The following JMJD1C variants were observed in gnomAD, a reference collection of about 807,000 sequenced individuals.
JMJD1C encodes the protein jumonji domain containing 1C.
In JMJD1C, 31 loss-of-function variants were observed where a neutral mutation model predicts 245.3. The ratio of observed to expected loss-of-function variants is 0.13; its 90% CI spans 0.09 to 0.17. The LOEUF (loss-of-function observed/expected upper bound fraction) is 0.17, where lower values mean the gene tolerates loss of function less well. Among genes scored for constraint, JMJD1C ranks in the 10% least tolerant of loss-of-function variants. The pLI, the probability that JMJD1C is intolerant of heterozygous loss-of-function variation, is 1.00. For synonymous variants in JMJD1C, 1,057 were observed against 1,017.4 expected, an observed-to-expected ratio of 1.04 and a Z score of -0.74; for missense variants, 2,691 against 3,000.2, an observed-to-expected ratio of 0.90 and a Z score of 2.41.
chr10:63,281,550 G>A (rs1242347518), intron 2 of JMJD1C, among the ~76,000 whole-genome samples: 7 of 127,438 alleles, frequency 5.5e-5, no homozygotes, highest in African/African-American at 2.1e-4. Context: ...GGCTCACTGC[G>A]ACCTCTGCCT....
chr10:63,193,874 G>A (rs1266715761), intron 14 of JMJD1C, among the ~76,000 whole-genome samples: 1 of 152,132 alleles, frequency 6.6e-6, no homozygotes, highest in Admixed American at 6.5e-5. Context: ...CACTGTGTTA[G>A]CCAGGATGGT....
At chr10:63,435,049 T>C (rs1204229623) in intron 1 of JMJD1C, among the ~76,000 whole-genome samples, 3 of 152,216 alleles carry the variant, frequency 2.0e-5, no homozygotes, top group East Asian at 1.9e-4. Context: ...TACACAAAAA[T>C]GTTGTCTCTA....
intron 1 of JMJD1C, among the ~76,000 whole-genome samples, chr10:63,458,718 T>TTA (rs1554944500): frequency 1.4e-3 from 172 of 122,874 alleles, no homozygotes; most frequent in African/African-American, 4.0e-3. Flanking sequence ...TATAGCTTTT[T>TTA]TTTTATTTAT....
At chr10:63,239,714 G>A (rs1851247634) in intron 3 of JMJD1C, among the ~76,000 whole-genome samples, 1 of 152,118 alleles carries the variant, frequency 6.6e-6, no homozygotes. Flanking sequence ...CTAAGTGCTG[G>A]GATTATAGGC....
rs376675037 is a variant in JMJD1C at position 63,206,806 on chromosome 10, A to C, written c.4863T>G (p.Thr1621=). 71 of 1,602,954 alleles carry C rather than the reference A, an allele frequency of 4.4e-5. 1 individual carries two copies. In the African/African-American group the frequency reaches 8.4e-4, roughly 19 times the overall value. Residue 1621 remains threonine, a synonymous_variant, in exon 10 of 26, where the codon ACT becomes ACG. Transcript: ENST00000399262. ...DKVNRRKAKR[T]YESGSESGDS... ...CTCCACTTTCAGAGCCAGATTCATA[A>C]GTTCTTTTGGCTTTTCTCCTGTTGA...
chr10:63,178,830 T>C (rs1370747424), intron 22 of JMJD1C, among the ~76,000 whole-genome samples: 2 of 152,200 alleles, frequency 1.3e-5, no homozygotes, highest in Non-Finnish European at 2.9e-5. Context: ...TGTCTCTAAG[T>C]GTAGGACCAC....
chr10:63,338,621 A>G (rs540360930), intron 2 of JMJD1C, among the ~76,000 whole-genome samples: 5 of 151,060 alleles, frequency 3.3e-5, no homozygotes, highest in East Asian at 1.9e-4. Flanking sequence ...GAATAATCAA[A>G]TATCTTTCTG....
chr10:63,394,187 C>CA lies in JMJD1C; in HGVS notation c.169-13706dup, dbSNP rs35007475. ...GGGAGACTGAGTGAGACTCCGTCTCCAAAAAAAAAAAAAAAAGGCTACAAT... is the reference window on the plus strand; with the variant it reads ...GGGAGACTGAGTGAGACTCCGTCTCCAAAAAAAAAAAAAAAAAGGCTACAAT... On this transcript the variant is annotated intron_variant, in intron 1 of 25. Transcript: ENST00000399262. Among the ~76,000 whole-genome samples, 377 of 79,970 alleles carry CA rather than the reference C, an allele frequency of 4.7e-3. 9 individuals carry two copies. The highest frequency in any genetic ancestry group is 5.5e-3 in the African/African-American group (93 of 16,958). 52.5% of individuals were successfully genotyped at this position (79,970 alleles called of 152,430 possible).
chr10:63,213,090 G>T (rs1269268962), intron 8 of JMJD1C, among the ~76,000 whole-genome samples: 1 of 150,072 alleles, frequency 6.7e-6, no homozygotes, highest in African/African-American at 2.4e-5. Context: ...GGAGGCTGAG[G>T]CAGAAGAATT....
At chr10:63,296,408 T>C (rs1859438826) in intron 2 of JMJD1C, among the ~76,000 whole-genome samples, 1 of 152,162 alleles carries the variant, frequency 6.6e-6, no homozygotes. Context: ...ACAAAAGGCA[T>C]ATCATCACAG....
At chr10:63,511,698 C>T (rs1954876630) in intron 1 of JMJD1C, among the ~76,000 whole-genome samples, 2 of 151,158 alleles carry the variant, frequency 1.3e-5, no homozygotes, top group Non-Finnish European at 2.9e-5. Flanking sequence ...GCCTGGGTGA[C>T]AGAGCAAGAC....
chr10:63,317,005 G>A (rs775136421), intron 2 of JMJD1C, among the ~76,000 whole-genome samples: 5 of 151,838 alleles, frequency 3.3e-5, no homozygotes, highest in Non-Finnish European at 7.4e-5. Flanking sequence ...GATTACAGGC[G>A]CATGCCACTA....
At chr10:63,284,566 A>G (rs1857757381) in intron 2 of JMJD1C, among the ~76,000 whole-genome samples, 1 of 152,140 alleles carries the variant, frequency 6.6e-6, no homozygotes, top group African/African-American at 2.4e-5. Flanking sequence ...AATAACTTAT[A>G]ATGAAACCAA....
At chr10:63,254,690 C>T (rs1392710640) in intron 3 of JMJD1C, among the ~76,000 whole-genome samples, 11 of 120,358 alleles carry the variant, frequency 9.1e-5, no homozygotes, top group Non-Finnish European at 1.8e-4. Flanking sequence ...ACAGGTGTCC[C>T]GCAAAAGTTT....
intron 3 of JMJD1C, among the ~76,000 whole-genome samples, chr10:63,223,229 G>GGT (rs1564636682): frequency 6.2e-5 from 8 of 128,358 alleles, no homozygotes; most frequent in South Asian, 2.4e-4. Flanking sequence ...TTTCTGTGCT[G>GGT]TTTTTTTTTT....
chr10:63,338,674 G>C lies in JMJD1C; in HGVS notation c.333+41644C>G, dbSNP rs970945483. Among the ~76,000 whole-genome samples, 122 of 105,848 alleles carry C rather than the reference G, an allele frequency of 1.2e-3. 1 individual carries two copies. Among genetic ancestry groups the C allele is most frequent in the Admixed American group, 2.3e-4 (2 of 8,724 alleles). The allele number at this position is 105,848 out of a possible 152,430, so 69.4% of individuals were successfully genotyped here. On this transcript the variant is annotated intron_variant, in intron 2 of 25. Coordinates refer to ENST00000399262, the MANE Select transcript of JMJD1C (RefSeq NM_032776.3). The stretch of plus-strand genomic sequence containing the variant: ...TTTTTTTTTTTTTTTTTGAGATAGA[G>C]TTTCGCTCTTGTTACCCAGACTTGA...
At chr10:63,514,454 G>C (rs1284278603) in intron 1 of JMJD1C, among the ~76,000 whole-genome samples, 1 of 152,150 alleles carries the variant, frequency 6.6e-6, no homozygotes, top group East Asian at 1.9e-4. Context: ...ACATAACAAA[G>C]AATGAAATCA....
intron 2 of JMJD1C, among the ~76,000 whole-genome samples, chr10:63,354,769 C>A (rs1314104526): frequency 6.7e-6 from 1 of 148,776 alleles, no homozygotes; most frequent in Non-Finnish European, 1.5e-5. Context: ...AATCCCAGAA[C>A]TTTGGGAGGT....
At chr10:63,420,974 T>TA (rs1269012429) in intron 1 of JMJD1C, among the ~76,000 whole-genome samples, 3 of 151,928 alleles carry the variant, frequency 2.0e-5, no homozygotes, top group Non-Finnish European at 4.4e-5. Context: ...CTGGTGAGAC[T>TA]AAAAAAATCC....
Sources: gnomAD v4.1 joint callset for allele counts (sites outside exome capture counted in the v4.1 genomes callset) on GRCh38, gnomAD v4.1.1 for gene constraint, MANE v1.5 for transcripts, NCBI Gene and HGNC (gene_info 2026-07-23, HGNC 2026-07-21) for gene names.